RBMS3: variants seen among roughly 807,000 people sequenced by gnomAD.
RBMS3 encodes the protein RNA binding motif single stranded interacting protein 3, also known as RNA-binding motif, single-stranded-interacting protein 3.
RBMS3 carries 27 observed loss-of-function variants against 66.8 expected under a neutral mutation model. That is an observed-to-expected ratio of 0.40 (90% CI 0.30 to 0.56). The LOEUF (loss-of-function observed/expected upper bound fraction) is 0.56, where lower values mean the gene tolerates loss of function less well. Among genes scored for constraint, RBMS3 ranks in the 20% least tolerant of loss-of-function variants. The pLI is 0.40. For missense variants in RBMS3, 513 were observed against 549.5 expected (o/e 0.93, Z 0.66); for synonymous variants, 188 against 183.0 (o/e 1.03, Z -0.22).
intron 12 of RBMS3, among the ~76,000 whole-genome samples, chr3:29,967,324 A>G (rs1696916602): frequency 6.6e-6 from 1 of 151,696 alleles, no homozygotes; most frequent in Admixed American, 6.6e-5. Context: ...CTGGTCCTGG[A>G]TTTGTTTTTG....
intron 6 of RBMS3, among the ~76,000 whole-genome samples, chr3:29,853,632 A>G (rs145784073): frequency 6.6e-5 from 10 of 152,048 alleles, no homozygotes; most frequent in Admixed American, 6.5e-4. Flanking sequence ...TAGCATTTTA[A>G]TGAGCTCTCT....
At chr3:29,803,165 C>A (rs2057441228) in intron 6 of RBMS3, among the ~76,000 whole-genome samples, 1 of 152,106 alleles carries the variant, frequency 6.6e-6, no homozygotes. Context: ...CTTGGCAAAT[C>A]CCTTTCCCTT....
At chr3:29,575,520 G>A (rs1344799841) in intron 3 of RBMS3, among the ~76,000 whole-genome samples, 1 of 151,956 alleles carries the variant, frequency 6.6e-6, no homozygotes, top group Non-Finnish European at 1.5e-5. Context: ...TAACTTTCTT[G>A]TGCTTGAATG....
intron 6 of RBMS3, among the ~76,000 whole-genome samples, chr3:29,845,423 G>A (rs1214912272): frequency 6.6e-6 from 1 of 152,096 alleles, no homozygotes; most frequent in Non-Finnish European, 1.5e-5. Context: ...TAGTTTCATT[G>A]CTATCATGCA....
intron 1 of RBMS3, among the ~76,000 whole-genome samples, chr3:29,376,288 C>T (rs923154777): frequency 6.6e-6 from 1 of 152,178 alleles, no homozygotes; most frequent in South Asian, 2.1e-4. Flanking sequence ...CAGCAAACCA[C>T]TCTGGAGCAC....
At chr3:29,451,478 C>T (rs2042015987) in intron 2 of RBMS3, among the ~76,000 whole-genome samples, 1 of 152,160 alleles carries the variant, frequency 6.6e-6, no homozygotes, top group African/African-American at 2.4e-5. Context: ...GACCACTCAA[C>T]CAGCATCTTA....
At chr3:29,296,315 A>G (rs1313818576) in intron 1 of RBMS3, among the ~76,000 whole-genome samples, 5 of 151,676 alleles carry the variant, frequency 3.3e-5, no homozygotes, top group Non-Finnish European at 5.9e-5. Context: ...TAGAACACAT[A>G]TTTTTTTCCA....
At chr3:29,457,695 C>G (rs772587888) in intron 2 of RBMS3, among the ~76,000 whole-genome samples, 8 of 152,182 alleles carry the variant, frequency 5.3e-5, no homozygotes, top group Non-Finnish European at 1.2e-4. Context: ...GCACTCCACC[C>G]TGGGTGACAG....
chr3:29,457,799 C>T (rs2042241883), intron 2 of RBMS3, among the ~76,000 whole-genome samples: 1 of 151,126 alleles, frequency 6.6e-6, no homozygotes, highest in African/African-American at 2.4e-5. Context: ...CTTCTCCAAC[C>T]TTAGCTCTTA....
chr3:29,507,483 A>G (rs1048388925), intron 3 of RBMS3, among the ~76,000 whole-genome samples: 3 of 133,906 alleles, frequency 2.2e-5, no homozygotes, highest in African/African-American at 6.0e-5. Flanking sequence ...TAGCTATAGT[A>G]TGATATTAAT....
chr3:29,975,628 G>A (rs1358778098), intron 12 of RBMS3, among the ~76,000 whole-genome samples: 1 of 151,800 alleles, frequency 6.6e-6, no homozygotes, highest in Non-Finnish European at 1.5e-5. Flanking sequence ...TTCACATGCA[G>A]TTCTAAGAAA....
At chr3:29,931,048 C>G (rs2061108201) in intron 10 of RBMS3, among the ~76,000 whole-genome samples, 1 of 152,072 alleles carries the variant, frequency 6.6e-6, no homozygotes, top group African/African-American at 2.4e-5. Flanking sequence ...ATAAACAGCA[C>G]TATAGACACT....
chr3:29,936,544 A>C (rs1305754368), intron 11 of RBMS3, among the ~76,000 whole-genome samples: 1 of 152,110 alleles, frequency 6.6e-6, no homozygotes, highest in Non-Finnish European at 1.5e-5. Flanking sequence ...TTCTCTTCCC[A>C]GCTGCTTACC....
intron 3 of RBMS3, among the ~76,000 whole-genome samples, chr3:29,549,394 T>C (rs1484528835): frequency 6.8e-6 from 1 of 147,210 alleles, no homozygotes; most frequent in African/African-American, 2.6e-5. Flanking sequence ...TACAATTGGA[T>C]TGATTTTTTT....
At chr3:29,703,419 T>C (rs1240561939) in intron 4 of RBMS3, among the ~76,000 whole-genome samples, 3 of 152,152 alleles carry the variant, frequency 2.0e-5, no homozygotes, top group Non-Finnish European at 4.4e-5. Flanking sequence ...AAGAGATCGG[T>C]TGCCAGAAAC....
At chr3:29,865,124 G>GGAAGGAAGGAAGGAAGGAAGGAAGGAAA (rs1294566084) in intron 6 of RBMS3, among the ~76,000 whole-genome samples, 60 of 151,150 alleles carry the variant, frequency 4.0e-4, no homozygotes, top group African/African-American at 1.3e-3. Flanking sequence ...AAGGAAGGAA[G>GGAAGGAAGGAAGGAAGGAAGGAAGGAAA]GAAGGAAGGA....
At chr3:29,768,367 C>T (rs1379538078) in intron 6 of RBMS3, among the ~76,000 whole-genome samples, 1 of 151,830 alleles carries the variant, frequency 6.6e-6, no homozygotes, top group Non-Finnish European at 1.5e-5. Flanking sequence ...AAGCTGTGTG[C>T]TGGTAACTGA....
At chr3:29,482,701 C>CTTTCTTTT (rs759435190) in intron 2 of RBMS3, among the ~76,000 whole-genome samples, 2 of 77,506 alleles carry the variant, frequency 2.6e-5, no homozygotes, top group East Asian at 4.6e-4. Context: ...TTCTTTCTTT[C>CTTTCTTTT]TTTTTTTTTT....
chr3:29,628,470 C>T (rs754567735), intron 4 of RBMS3, among the ~76,000 whole-genome samples: 2 of 152,082 alleles, frequency 1.3e-5, no homozygotes, highest in Non-Finnish European at 2.9e-5. Flanking sequence ...GGGGCTGGTA[C>T]TTGCCGTATC....
Sources: allele counts gnomAD v4.1 joint callset (sites outside exome capture counted in the v4.1 genomes callset), GRCh38; gene constraint gnomAD v4.1.1; transcripts MANE v1.5; gene names NCBI Gene and HGNC (gene_info 2026-07-23, HGNC 2026-07-21).